Variants in PSMA1 observed in about 807,000 individuals in gnomAD.
PSMA1 encodes the protein proteasome subunit alpha type-1.
A neutral mutation model predicts 38.4 loss-of-function variants in PSMA1; 3 were observed. That is an observed-to-expected ratio of 0.08 (90% CI 0.04 to 0.20). PSMA1 has a LOEUF of 0.20. Among genes scored for constraint, PSMA1 ranks in the 10% least tolerant of loss-of-function variants. The pLI, the probability that PSMA1 is intolerant of heterozygous loss-of-function variation, is 1.00. For missense variants in PSMA1, 227 were observed against 325.3 expected (o/e 0.70, Z 2.32); for synonymous variants, 101 against 107.1 (o/e 0.94, Z 0.35).
intron 2 of PSMA1, among the ~76,000 whole-genome samples, chr11:14,575,976 AT>A (rs1244483146): frequency 6.6e-6 from 1 of 152,000 alleles, no homozygotes; most frequent in African/African-American, 2.4e-5. Context: ...ATGGTATCTC[AT>A]TGTGGTTTTG....
chr11:14,580,472 C>T (rs770980407), intron 2 of PSMA1, among the ~76,000 whole-genome samples: 4 of 152,176 alleles, frequency 2.6e-5, no homozygotes, highest in Non-Finnish European at 4.4e-5. Context: ...AAGTTGGCAT[C>T]TGCCTCTGCT....
At chr11:14,541,881 A>G (rs965287048) in intron 2 of PSMA1, among the ~76,000 whole-genome samples, 1 of 152,232 alleles carries the variant, frequency 6.6e-6, no homozygotes, top group African/African-American at 2.4e-5. Context: ...TCTTTTTGAA[A>G]GTCCATATTT....
chr11:14,584,507 G>GTTTTTTTTTTTTT (rs58620375), intron 2 of PSMA1, among the ~76,000 whole-genome samples: 2 of 124,778 alleles, frequency 1.6e-5, no homozygotes, highest in Non-Finnish European at 3.3e-5. Flanking sequence ...TTTGTTTTTT[G>GTTTTTTTTTTTTT]TTTTTTTTTT....
chr11:14,542,994 T>C (rs952989040), intron 2 of PSMA1, among the ~76,000 whole-genome samples: 1 of 152,046 alleles, frequency 6.6e-6, no homozygotes, highest in Non-Finnish European at 1.5e-5. Context: ...TAGCTGGGAT[T>C]ATAGGTGCCC....
chr11:14,548,418 G>A (rs554232852), intron 2 of PSMA1, among the ~76,000 whole-genome samples: 2 of 151,912 alleles, frequency 1.3e-5, no homozygotes, highest in East Asian at 1.9e-4. Flanking sequence ...ACACACAGGT[G>A]TGTGTGTGTG....
intron 2 of PSMA1, among the ~76,000 whole-genome samples, chr11:14,529,054 C>A (rs1851617884): frequency 6.8e-6 from 1 of 146,324 alleles, no homozygotes; most frequent in Non-Finnish European, 1.5e-5. Flanking sequence ...CACACGGACA[C>A]ATGAGACACC....
intron 2 of PSMA1, among the ~76,000 whole-genome samples, chr11:14,571,715 T>C (rs772697758): frequency 6.6e-6 from 1 of 152,160 alleles, no homozygotes; most frequent in Non-Finnish European, 1.5e-5. Context: ...AGACACATAC[T>C]GGCAAATTGG....
At chr11:14,638,181 A>G (rs914036472) in intron 1 of PSMA1, among the ~76,000 whole-genome samples, 3 of 152,122 alleles carry the variant, frequency 2.0e-5, no homozygotes, top group African/African-American at 4.8e-5. Flanking sequence ...GATCAGAATG[A>G]CGCTAAAGTT....
At chr11:14,641,162 GA>G (rs1203256692) in intron 1 of PSMA1, among the ~76,000 whole-genome samples, 1 of 150,588 alleles carries the variant, frequency 6.6e-6, no homozygotes, top group Non-Finnish European at 1.5e-5. Context: ...ATGTATCCCA[GA>G]ACTTAAAGTA....
intron 1 of PSMA1, among the ~76,000 whole-genome samples, chr11:14,643,129 G>A (rs1590021371): frequency 6.7e-6 from 1 of 150,170 alleles, no homozygotes; most frequent in Admixed American, 6.6e-5. Flanking sequence ...CTACTAGAGT[G>A]CACTCCACGT....
intron 1 of PSMA1, among the ~76,000 whole-genome samples, chr11:14,634,049 AGT>A (rs1853078123): frequency 6.6e-6 from 1 of 152,058 alleles, no homozygotes. Context: ...GGCACTCCCT[AGT>A]GAGATGAACC....
At chr11:14,515,642 C>T (rs1451528521) in intron 4 of PSMA1, among the ~76,000 whole-genome samples, 2 of 151,596 alleles carry the variant, frequency 1.3e-5, no homozygotes, top group African/African-American at 4.8e-5. Context: ...CAACCTCTGC[C>T]TCCTGGGTTC....
At chr11:14,553,868 A>G (rs965319988) in intron 2 of PSMA1, among the ~76,000 whole-genome samples, 2 of 152,202 alleles carry the variant, frequency 1.3e-5, no homozygotes, top group African/African-American at 4.8e-5. Context: ...TGTGGTAAGT[A>G]TAAGTTTAGA....
At position 14,595,957 on chromosome 11, in the gene PSMA1, A is replaced by T. The variant is rs1420952754; in HGVS notation, c.21+15009T>A. Among the ~76,000 whole-genome samples, 6 of 152,330 alleles carry T rather than the reference A, an allele frequency of 3.9e-5. No individual in the cohort carries two copies. In the South Asian group the frequency reaches 8.3e-4, roughly 21 times the overall value. The stretch of plus-strand genomic sequence containing the variant: ...GAGGGATCCAGTTTCAGCTTTCTAT[A>T]TATGGCTAGCCAGTTTTCCCAGCAC... On this transcript the variant is annotated intron_variant, in intron 2 of 10. Transcript: ENST00000418988.
rs1162549899 is a variant in PSMA1, at chr11:14,638,585, A to ATTTTTTTTTTTT, written c.-166+4858_-166+4869dup. On this transcript the variant is annotated intron_variant, in intron 1 of 10. Transcript: ENST00000418988. ...TATATATATATATATATATATATAT[A>ATTTTTTTTTTTT]TTTTTTTTTTTTTTTTTTTTTTTTT... 2.5e-4 allele frequency among the ~76,000 whole-genome samples: 2 copies of ATTTTTTTTTTTT among 8,096 alleles called. 1 individual carries two copies. The allele number at this position is 8,096 out of a possible 152,430, so 5.3% of individuals were successfully genotyped here. A position where few individuals can be genotyped will look rare whatever the true frequency, so the allele number is the denominator to read the frequency against.
In PSMA1 at chr11:14,514,415, G is replaced by C. The variant is rs1446290196; in HGVS notation, c.331C>G (p.Leu111Val). 1 of 1,606,544 alleles carries C rather than the reference G, an allele frequency of 6.2e-7. No individual in the cohort carries two copies. The highest frequency in any genetic ancestry group is 1.7e-5 in the Admixed American group (1 of 59,372). The stretch of plus-strand genomic sequence containing the variant: ...ATAAAAAGGATACTGCTTCCAATTA[G>C]AGATACAAGACGAGACACAGGCAGT... ...RPLPVSRLVS[L>V]IGSKTQIPTQ... The change falls in exon 5 of 10, where the codon CTA becomes GTA. Residue 111 changes from leucine (L) to valine (V), a missense_variant. Leu to Val is a conservative substitution (Grantham distance 32, BLOSUM62 1). Coordinates refer to ENST00000396394, the MANE Select transcript of PSMA1 (RefSeq NM_002786.4).
At chr11:14,630,516 C>A (rs954436601) in intron 1 of PSMA1, among the ~76,000 whole-genome samples, 12 of 152,106 alleles carry the variant, frequency 7.9e-5, no homozygotes, top group African/African-American at 2.7e-4. Context: ...GGATGAAGCC[C>A]ACTTGGTCAT....
At chr11:14,629,737 G>C (rs1178207724) in intron 1 of PSMA1, among the ~76,000 whole-genome samples, 1 of 151,800 alleles carries the variant, frequency 6.6e-6, no homozygotes, top group East Asian at 1.9e-4. Context: ...GGATGGCATT[G>C]AATCTGTAAA....
chr11:14,547,613 G>C (rs1184307240), intron 2 of PSMA1, among the ~76,000 whole-genome samples: 6 of 152,104 alleles, frequency 3.9e-5, no homozygotes. Flanking sequence ...GCAAGGTCAT[G>C]GGGTCAAGGT....
Sources: allele counts gnomAD v4.1 joint callset (sites outside exome capture counted in the v4.1 genomes callset), GRCh38; gene constraint gnomAD v4.1.1; transcripts MANE v1.5; gene names NCBI Gene and HGNC (gene_info 2026-07-23, HGNC 2026-07-21).